PPARGC1A: variants seen among roughly 807,000 people sequenced by gnomAD.
PPARGC1A encodes the protein PPARG coactivator 1 alpha.
In PPARGC1A, 25 loss-of-function variants were observed where a neutral mutation model predicts 88.7. That is an observed-to-expected ratio of 0.28 (90% CI 0.21 to 0.39). The LOEUF is 0.39. Among genes scored for constraint, PPARGC1A ranks in the 10% least tolerant of loss-of-function variants. PPARGC1A has a pLI of 1.00. For missense variants in PPARGC1A, 880 were observed against 968.7 expected, an observed-to-expected ratio of 0.91 and a Z score of 1.22; for synonymous variants, 363 against 355.6, an observed-to-expected ratio of 1.02 and a Z score of -0.24.
At chr4:23,902,016 AC>A (rs1389158911), upstream of PPARGC1A, among the ~76,000 whole-genome samples, 1 of 152,174 alleles carries the variant, frequency 6.6e-6, no homozygotes, top group Non-Finnish European at 1.5e-5. Flanking sequence ...ATGTGTCCAA[AC>A]AAAAATTGAG....
At chr4:23,852,672 C>T (rs1477427433) in intron 2 of PPARGC1A, among the ~76,000 whole-genome samples, 2 of 151,988 alleles carry the variant, frequency 1.3e-5, no homozygotes, top group South Asian at 2.1e-4. Context: ...AGATCCTATT[C>T]GAGTTCTCTT....
the PPARGC1A span, among the ~76,000 whole-genome samples, chr4:24,302,057 C>G: frequency 2.0e-5 from 3 of 152,140 alleles, no homozygotes; most frequent in Non-Finnish European, 2.9e-5. Context: ...CCAAGTTGTT[C>G]TTCTTGAGGC....
the PPARGC1A span, among the ~76,000 whole-genome samples, chr4:23,950,818 C>T: frequency 6.6e-6 from 1 of 152,118 alleles, no homozygotes; most frequent in African/African-American, 2.4e-5. Context: ...CTTACACTTT[C>T]AGGTAGTTTA....
chr4:24,335,174 AAT>A, the PPARGC1A span, among the ~76,000 whole-genome samples: 5 of 152,224 alleles, frequency 3.3e-5, no homozygotes, highest in African/African-American at 1.2e-4. Flanking sequence ...GTAAGCAGTC[AAT>A]ACATGGAACA....
chr4:24,370,694 A>AAGACATC, the PPARGC1A span, among the ~76,000 whole-genome samples: 163 of 149,286 alleles, frequency 1.1e-3, no homozygotes, highest in African/African-American at 3.7e-3. Flanking sequence ...ACAAGACCAC[A>AAGACATC]AGACATCCCA....
chr4:24,381,812 G>C, the PPARGC1A span, among the ~76,000 whole-genome samples: 1 of 152,218 alleles, frequency 6.6e-6, no homozygotes, highest in East Asian at 1.9e-4. Context: ...TCATTAGGTA[G>C]ACCTGAGGTT....
chr4:23,799,924 T>G (rs1422135889), intron 12 of PPARGC1A, among the ~76,000 whole-genome samples: 3 of 152,190 alleles, frequency 2.0e-5, no homozygotes, highest in African/African-American at 7.2e-5. Flanking sequence ...CCGTCTTGAC[T>G]GTTTTTATCA....
chr4:23,815,660 C>T (rs1488970086), intron 7 of PPARGC1A, among the ~76,000 whole-genome samples: 2 of 152,106 alleles, frequency 1.3e-5, no homozygotes, highest in Non-Finnish European at 2.9e-5. Flanking sequence ...CCTACTCATC[C>T]GTTTGTGCCG....
chr4:23,907,687 G>A (rs1720212673), upstream of PPARGC1A, among the ~76,000 whole-genome samples: 1 of 152,194 alleles, frequency 6.6e-6, no homozygotes, highest in African/African-American at 2.4e-5. Flanking sequence ...GCCTTTTAGA[G>A]CGCCTACTCT....
the PPARGC1A span, among the ~76,000 whole-genome samples, chr4:24,293,659 C>T: frequency 6.6e-5 from 9 of 137,360 alleles, no homozygotes; most frequent in African/African-American, 2.5e-4. Context: ...TCCTCCTCTC[C>T]TCATTTTCAC....
the PPARGC1A span, among the ~76,000 whole-genome samples, chr4:23,957,002 G>A: frequency 2.0e-5 from 3 of 152,056 alleles, no homozygotes; most frequent in East Asian, 1.9e-4. Flanking sequence ...TACAGTGCTC[G>A]TAACTGGTGG....
the PPARGC1A span, among the ~76,000 whole-genome samples, chr4:24,372,916 C>T: frequency 4.6e-5 from 7 of 152,146 alleles, no homozygotes; most frequent in East Asian, 3.9e-4. Context: ...AGAGAGCTGG[C>T]GGAAAGTCAG....
the PPARGC1A span, among the ~76,000 whole-genome samples, chr4:23,955,516 C>G: frequency 6.6e-6 from 1 of 152,024 alleles, no homozygotes; most frequent in East Asian, 1.9e-4. Context: ...TACGATTCCT[C>G]TAAAATCAGT....
At chr4:24,284,759 TG>T in the PPARGC1A span, among the ~76,000 whole-genome samples, 5 of 152,178 alleles carry the variant, frequency 3.3e-5, no homozygotes, top group African/African-American at 1.2e-4. Context: ...CCGGGCACGG[TG>T]GCTCACGCCT....
the PPARGC1A span, among the ~76,000 whole-genome samples, chr4:24,106,704 C>A: frequency 6.6e-6 from 1 of 152,224 alleles, no homozygotes; most frequent in African/African-American, 2.4e-5. Flanking sequence ...GCTGCCTTGT[C>A]CCTTGCTTTA....
chr4:23,969,321 C>T, the PPARGC1A span, among the ~76,000 whole-genome samples: 203 of 152,234 alleles, frequency 1.3e-3, no homozygotes, highest in Non-Finnish European at 2.5e-3. Flanking sequence ...ACAATTATCC[C>T]ATGAGGCCGG....
chr4:24,073,186 C>T, the PPARGC1A span, among the ~76,000 whole-genome samples: 1 of 152,096 alleles, frequency 6.6e-6, no homozygotes, highest in Non-Finnish European at 1.5e-5. Context: ...GGACTACAGG[C>T]ACTTGCCACC....
the PPARGC1A span, among the ~76,000 whole-genome samples, chr4:23,943,841 A>G: frequency 3.9e-5 from 6 of 152,176 alleles, no homozygotes; most frequent in African/African-American, 1.2e-4. Context: ...CTTGCTCCCC[A>G]AAACCTATAA....
chr4:24,336,331 A>T, the PPARGC1A span, among the ~76,000 whole-genome samples: 1 of 152,190 alleles, frequency 6.6e-6, no homozygotes, highest in African/African-American at 2.4e-5. Context: ...TCGAGCTGGG[A>T]TATTTTCTCC....
Sources: gnomAD v4.1 joint callset for allele counts (sites outside exome capture counted in the v4.1 genomes callset) on GRCh38, gnomAD v4.1.1 for gene constraint, MANE v1.5 for transcripts, NCBI Gene and HGNC (gene_info 2026-07-23, HGNC 2026-07-21) for gene names.